Variants in SH3RF3 observed in about 807,000 individuals in gnomAD.
The protein encoded by SH3RF3 is SH3 domain containing ring finger 3.
SH3RF3 carries 29 observed loss-of-function variants against 66.3 expected under a neutral mutation model. The observed-to-expected ratio is 0.44, with a 90% CI of 0.33 to 0.60. The LOEUF (loss-of-function observed/expected upper bound fraction) is 0.60. Among genes scored for constraint, SH3RF3 ranks in the 20% least tolerant of loss-of-function variants. The probability of loss-of-function intolerance (pLI) is 0.04; values close to 1 mark genes in which losing one functional copy is unlikely to be tolerated. For missense variants in SH3RF3, 1,194 were observed against 1,190.9 expected, an observed-to-expected ratio of 1.00 and a Z score of -0.04; for synonymous variants, 583 against 532.0, an observed-to-expected ratio of 1.10 and a Z score of -1.32.
chr2:109,459,499 C>T (rs1226548160), intron 8 of SH3RF3, among the ~76,000 whole-genome samples: 2 of 152,090 alleles, frequency 1.3e-5, no homozygotes, highest in Non-Finnish European at 2.9e-5. Flanking sequence ...TTCCATTGAC[C>T]TCAGTCACGG....
chr2:109,160,843 T>C (rs997118947), intron 1 of SH3RF3, among the ~76,000 whole-genome samples: 4 of 152,126 alleles, frequency 2.6e-5, no homozygotes, highest in African/African-American at 9.7e-5. Context: ...CCAGCTGTAA[T>C]GGACAGGGCC....
At chr2:109,154,370 G>A (rs1189585900) in intron 1 of SH3RF3, among the ~76,000 whole-genome samples, 1 of 152,210 alleles carries the variant, frequency 6.6e-6, no homozygotes, top group East Asian at 1.9e-4. Context: ...CTTCTGGGTA[G>A]GGAGTACAGA....
chr2:109,296,202 C>T (rs532416258), intron 1 of SH3RF3, among the ~76,000 whole-genome samples: 70 of 151,940 alleles, frequency 4.6e-4, no homozygotes, highest in African/African-American at 1.7e-3. Context: ...CTCCTGGCTT[C>T]CACTCTAAAC....
At chr2:109,352,313 G>C (rs1450615840) in intron 2 of SH3RF3, among the ~76,000 whole-genome samples, 1 of 152,168 alleles carries the variant, frequency 6.6e-6, no homozygotes, top group Non-Finnish European at 1.5e-5. Context: ...CCCTCCTAAA[G>C]ACAGACTGCA....
At chr2:109,312,897 G>A (rs947027880) in intron 1 of SH3RF3, among the ~76,000 whole-genome samples, 4 of 152,188 alleles carry the variant, frequency 2.6e-5, no homozygotes, top group Non-Finnish European at 5.9e-5. Flanking sequence ...GAATGGACTT[G>A]CTGGGTCACG....
chr2:109,148,336 G>C (rs1281818477), intron 1 of SH3RF3, among the ~76,000 whole-genome samples: 1 of 152,246 alleles, frequency 6.6e-6, no homozygotes, highest in African/African-American at 2.4e-5. Context: ...CCAGGCCAGA[G>C]CGCCATCCGT....
chr2:109,338,046 A>G (rs1440728118), intron 1 of SH3RF3, among the ~76,000 whole-genome samples: 2 of 151,902 alleles, frequency 1.3e-5, no homozygotes, highest in African/African-American at 4.8e-5. Context: ...TCTGTTTTTG[A>G]TGGAGCTTGC....
intron 5 of SH3RF3, among the ~76,000 whole-genome samples, chr2:109,429,673 G>A (rs1677136740): frequency 6.6e-6 from 1 of 152,140 alleles, no homozygotes; most frequent in African/African-American, 2.4e-5. Context: ...GACAGCTCCA[G>A]CAGCCCAGCC....
chr2:109,435,928 C>T (rs368268006), intron 6 of SH3RF3, among the ~76,000 whole-genome samples: 75 of 152,266 alleles, frequency 4.9e-4, no homozygotes, highest in African/African-American at 1.7e-3. Context: ...CACCCAGGGT[C>T]CCCTAGCAGG....
At chr2:109,470,273 C>T (rs939937244) in intron 8 of SH3RF3, among the ~76,000 whole-genome samples, 16 of 152,146 alleles carry the variant, frequency 1.1e-4, no homozygotes, top group African/African-American at 3.9e-4. Context: ...AAGGATGACC[C>T]ACAGCACCCA....
At chr2:109,498,302 C>T (rs1251304810) in intron 9 of SH3RF3, among the ~76,000 whole-genome samples, 1 of 152,180 alleles carries the variant, frequency 6.6e-6, no homozygotes, top group Non-Finnish European at 1.5e-5. Context: ...CTGGCCTGTT[C>T]TGCTTCCCCA....
At chr2:109,363,674 CTTGT>C (rs776627139) in intron 2 of SH3RF3, among the ~76,000 whole-genome samples, 1 of 152,120 alleles carries the variant, frequency 6.6e-6, no homozygotes. Context: ...TCACTCAATT[CTTGT>C]TTGTTTGACA....
chr2:109,392,586 G>T (rs564851631), intron 3 of SH3RF3, among the ~76,000 whole-genome samples: 1 of 152,114 alleles, frequency 6.6e-6, no homozygotes, highest in Admixed American at 6.5e-5. Context: ...TTGGCTCACT[G>T]CAAGCTCAAG....
chr2:109,136,132 G>T (rs1269318737), intron 1 of SH3RF3, among the ~76,000 whole-genome samples: 1 of 152,096 alleles, frequency 6.6e-6, no homozygotes, highest in African/African-American at 2.4e-5. Flanking sequence ...CAGATTCGGG[G>T]CTCAGTTTTG....
Position 109,501,942 on chromosome 2 carries a change from G to A in SH3RF3, c.*271G>A. 2.5e-6 allele frequency: 1 copy of A among 408,016 alleles called. No homozygotes were observed. The highest frequency in any genetic ancestry group is 4.5e-6 in the Non-Finnish European group (1 of 223,012). The allele number at this position is 408,016 out of a possible 1,614,324, so 25.3% of individuals were successfully genotyped here. ...AAAGAAAGCACCTTGAGGAAGAGAGGCAGGTGCCGGCGCAGGCAGGCCTGT... is the reference window on the plus strand; with the variant it reads ...AAAGAAAGCACCTTGAGGAAGAGAGACAGGTGCCGGCGCAGGCAGGCCTGT... On this transcript the variant is annotated 3_prime_UTR_variant, in exon 10 of 10. Coordinates refer to ENST00000309415, the MANE Select transcript of SH3RF3 (RefSeq NM_001099289.3).
intron 1 of SH3RF3, among the ~76,000 whole-genome samples, chr2:109,345,413 T>C (rs1682666340): frequency 6.6e-6 from 1 of 151,988 alleles, no homozygotes; most frequent in South Asian, 2.1e-4. Flanking sequence ...AGCTGGCCCT[T>C]CCTGCCCACT....
At chr2:109,209,424 C>T (rs935766822) in intron 1 of SH3RF3, among the ~76,000 whole-genome samples, 2 of 152,156 alleles carry the variant, frequency 1.3e-5, no homozygotes, top group Non-Finnish European at 2.9e-5. Flanking sequence ...AACACTCCCA[C>T]CTGGCCGATT....
intron 1 of SH3RF3, among the ~76,000 whole-genome samples, chr2:109,171,538 C>T (rs1174791847): frequency 1.1e-4 from 16 of 152,244 alleles, no homozygotes; most frequent in Non-Finnish European, 1.5e-4. Context: ...GCTTCGCCCG[C>T]GGCGGGCCAG....
intron 4 of SH3RF3, among the ~76,000 whole-genome samples, chr2:109,409,863 G>T (rs758031796): frequency 1.1e-4 from 16 of 152,132 alleles, no homozygotes; most frequent in Non-Finnish European, 2.2e-4. Flanking sequence ...GAGTGGTAGC[G>T]AGTGATGAAT....
Sources: allele counts gnomAD v4.1 joint callset (sites outside exome capture counted in the v4.1 genomes callset), GRCh38; gene constraint gnomAD v4.1.1; transcripts MANE v1.5; gene names NCBI Gene and HGNC (gene_info 2026-07-23, HGNC 2026-07-21).